Variants in HKDC1 observed in about 807,000 individuals in gnomAD.
HKDC1 encodes the protein hexokinase domain containing 1.
HKDC1 carries 66 observed loss-of-function variants against 96.6 expected under a neutral mutation model. The observed-to-expected ratio is 0.68, with a 90% CI of 0.56 to 0.84. HKDC1 has a LOEUF of 0.84. HKDC1 is among the 40% of genes least tolerant of loss of function. The pLI is 0.00. For missense variants in HKDC1, 1,211 were observed against 1,208.1 expected, an observed-to-expected ratio of 1.00 and a Z score of -0.04; for synonymous variants, 466 against 473.1, an observed-to-expected ratio of 0.98 and a Z score of 0.20.
intron 12 of HKDC1, among the ~76,000 whole-genome samples, chr10:69,252,814 TAAAAAC>T (rs966806391): frequency 6.6e-6 from 1 of 151,566 alleles, no homozygotes. Context: ...CCATCTCTAT[TAAAAAC>T]AAAAACAAAA....
Position 69,265,621 on chromosome 10 carries a change from G to C in HKDC1, c.2409G>C (p.Leu803=). ...CCCTTCTCCAGGTCAGGAGGATTCT[G>C]CAGCAGCTGGGCCTGGACAGCACGT... The part of the protein sequence containing the change: ...RLALLQVRRI[L]QQLGLDSTCE... Residue 803 remains leucine (L), a synonymous_variant, in exon 17 of 18, where the codon CTG becomes CTC. Transcript: ENST00000354624. 1 of 1,613,840 alleles carries C rather than the reference G, an allele frequency of 6.2e-7. No individual in the cohort carries two copies. Among genetic ancestry groups the C allele is most frequent in the East Asian group, 2.2e-5 (1 of 44,874 alleles).
At chr10:69,262,264 A>G (rs1237173271) in intron 16 of HKDC1, among the ~76,000 whole-genome samples, 2 of 152,232 alleles carry the variant, frequency 1.3e-5, no homozygotes, top group African/African-American at 4.8e-5. Context: ...CCTTTAATAT[A>G]GGATGTCTAG....
Position 69,248,651 on chromosome 10 carries a change from G to A in HKDC1, c.1493G>A (p.Gly498Glu), listed in dbSNP as rs1843585517. ...QAKMRAELEY[G>E]LKKKSHGLAT... ...AAGATGCGGGCTGAGCTGGAGTATG[G>A]GCTGAAGAAGAAGAGCCACGGGCTG... The change falls in exon 10 of 18, where the codon GGG (glycine) becomes GAG (glutamate). Residue 498 changes from glycine to glutamate, a missense_variant. Physicochemically the swap from Gly to Glu is moderately conservative, Grantham distance 98. Coordinates refer to ENST00000354624, the MANE Select transcript of HKDC1 (RefSeq NM_025130.4). 8 of 1,614,168 alleles carry A rather than the reference G, an allele frequency of 5.0e-6. No individual in the cohort carries two copies. Among genetic ancestry groups the A allele is most frequent in the Non-Finnish European group, 6.8e-6 (8 of 1,180,028 alleles).
intron 7 of HKDC1, among the ~76,000 whole-genome samples, chr10:69,244,852 C>T (rs1368016618): frequency 6.6e-6 from 1 of 151,846 alleles, no homozygotes; most frequent in Non-Finnish European, 1.5e-5. Context: ...TATTATATTC[C>T]CTGACATCCA....
chr10:69,223,634 G>A (rs1442040661), intron 1 of HKDC1, among the ~76,000 whole-genome samples: 2 of 129,752 alleles, frequency 1.5e-5, no homozygotes, highest in Admixed American at 9.5e-5. Context: ...CTCCCAGGCT[G>A]GAGTGCAGTG....
At chr10:69,260,718 C>G (rs1766678987) in intron 15 of HKDC1, among the ~76,000 whole-genome samples, 1 of 152,136 alleles carries the variant, frequency 6.6e-6, no homozygotes, top group Non-Finnish European at 1.5e-5. Flanking sequence ...CTCTTGCTCT[C>G]TTGACCCTCA....
At chr10:69,238,370 T>TAGAGCATTCC (rs1564728822) in intron 4 of HKDC1, among the ~76,000 whole-genome samples, 473 of 5,226 alleles carry the variant, frequency 0.091, 183 homozygotes, top group East Asian at 0.86. Flanking sequence ...GGTATTTTCT[T>TAGAGCATTCC]TTTTTTTTTT....
chr10:69,257,779 T>C (rs928086173), intron 14 of HKDC1, among the ~76,000 whole-genome samples: 27 of 152,312 alleles, frequency 1.8e-4, no homozygotes, highest in African/African-American at 6.5e-4. Context: ...GTGCCTCTTC[T>C]GTTCTCTGAA....
intron 7 of HKDC1, among the ~76,000 whole-genome samples, chr10:69,244,946 G>A (rs1366345142): frequency 6.6e-6 from 1 of 151,860 alleles, no homozygotes; most frequent in African/African-American, 2.4e-5. Flanking sequence ...CTGTCGCCAA[G>A]GCTGGAGTGC....
chr10:69,256,730 AAAG>A (rs1440786235), intron 12 of HKDC1, among the ~76,000 whole-genome samples: 11 of 151,984 alleles, frequency 7.2e-5, no homozygotes, highest in African/African-American at 2.4e-4. Context: ...AAGAAAGAAA[AAAG>A]AAGAAGTAGG....
At chr10:69,237,871 C>G (rs2132346502) in intron 4 of HKDC1, among the ~76,000 whole-genome samples, 1 of 152,324 alleles carries the variant, frequency 6.6e-6, no homozygotes, top group East Asian at 1.9e-4. Flanking sequence ...AATTTCCTCC[C>G]TCTCTCAATC....
intron 1 of HKDC1, among the ~76,000 whole-genome samples, chr10:69,223,954 A>AC (rs1426499812): frequency 1.5e-4 from 22 of 149,690 alleles, no homozygotes; most frequent in African/African-American, 5.4e-4. Flanking sequence ...CATGCCTGTA[A>AC]TCCCAGCACT....
intron 4 of HKDC1, among the ~76,000 whole-genome samples, chr10:69,235,717 G>A (rs1490319066): frequency 6.6e-6 from 1 of 152,188 alleles, no homozygotes; most frequent in Non-Finnish European, 1.5e-5. Flanking sequence ...AGAATTAAAT[G>A]CACATGCTTT....
chr10:69,256,702 AT>A (rs1843720796), intron 12 of HKDC1, among the ~76,000 whole-genome samples: 1 of 151,824 alleles, frequency 6.6e-6, no homozygotes, highest in East Asian at 1.9e-4. Context: ...GTGAAATTCT[AT>A]CTCAAAAAAA....
At chr10:69,251,791 A>G (rs1343928620) in intron 12 of HKDC1, among the ~76,000 whole-genome samples, 1 of 147,568 alleles carries the variant, frequency 6.8e-6, no homozygotes, top group Non-Finnish European at 1.5e-5. Flanking sequence ...ACAGAGTCTC[A>G]CTCTGTTACT....
chr10:69,250,429 T>C lies in HKDC1; in HGVS notation c.1710T>C (p.Gly570=). The change falls in exon 11 of 18, where the codon GGT becomes GGC. Residue 570 remains glycine (G), a synonymous_variant. Coordinates refer to ENST00000354624, the MANE Select transcript of HKDC1 (RefSeq NM_025130.4). ...AIPLEIMQGT[G]EELFDHIVQC... is the part of the protein sequence containing the mutation. ...CCCTGGAGATCATGCAGGGCACTGG[T>C]GAGGAGGTAAGTGCCAGGCAAGGCC... 6.2e-7 allele frequency: 1 copy of C among 1,613,108 alleles called. No individual in the cohort carries two copies. The highest frequency in any genetic ancestry group is 1.7e-4 in the Middle Eastern group (1 of 6,052).
intron 14 of HKDC1, 81 bp downstream of exon 14, chr10:69,257,507 C>A: frequency 9.2e-7 from 1 of 1,092,666 alleles, no homozygotes; most frequent in Non-Finnish European, 1.4e-6. Flanking sequence ...AGAGGGTGGG[C>A]ATTGTTCCAT....
Position 69,265,723 on chromosome 10 carries a change from G to T in HKDC1, c.2511G>T (p.Leu837=), listed in dbSNP as rs762484603. 3.1e-6 allele frequency: 5 copies of T among 1,613,384 alleles called. No homozygotes were observed. Among genetic ancestry groups the T allele is most frequent in the Non-Finnish European group, 4.2e-6 (5 of 1,179,826 alleles). The stretch of plus-strand genomic sequence containing the variant: ...CGGCCCAGCTCTGCGGTGCTGGCCT[G>T]GCCGCTATAGTGGAAAAAAGGAGAG... ...RRAAQLCGAG[L]AAIVEKRRED... is the part of the protein sequence containing the mutation. Residue 837 remains leucine, a synonymous_variant, in exon 17 of 18, where the codon CTG becomes CTT. Transcript: ENST00000354624.
At chr10:69,229,360 T>G (rs1171139200) in intron 2 of HKDC1, among the ~76,000 whole-genome samples, 1 of 152,160 alleles carries the variant, frequency 6.6e-6, no homozygotes, top group African/African-American at 2.4e-5. Context: ...GGTAGGTGCT[T>G]GGGATGGACA....
Sources: gnomAD v4.1 joint callset for allele counts (sites outside exome capture counted in the v4.1 genomes callset) on GRCh38, gnomAD v4.1.1 for gene constraint, MANE v1.5 for transcripts, NCBI Gene and HGNC (gene_info 2026-07-23, HGNC 2026-07-21) for gene names.